The following KIRREL3 variants were observed in gnomAD, a reference collection of about 807,000 sequenced individuals.
The protein encoded by KIRREL3 is kin of IRRE-like protein 3.
A neutral mutation model predicts 89.7 loss-of-function variants in KIRREL3; 36 were observed. That is an observed-to-expected ratio of 0.40 (90% CI 0.31 to 0.53). The LOEUF (loss-of-function observed/expected upper bound fraction) is 0.53. Among genes scored for constraint, KIRREL3 ranks in the 20% least tolerant of loss-of-function variants. The pLI is 0.49. For missense variants in KIRREL3, 864 were observed against 1,056.6 expected, an observed-to-expected ratio of 0.82 and a Z score of 2.53; for synonymous variants, 445 against 441.4, an observed-to-expected ratio of 1.01 and a Z score of -0.10.
At chr11:126,835,083 A>G (rs1020588614) in intron 1 of KIRREL3, among the ~76,000 whole-genome samples, 5 of 152,296 alleles carry the variant, frequency 3.3e-5, no homozygotes, top group African/African-American at 1.2e-4. Flanking sequence ...TTCCCAGTGA[A>G]AGGCCTGTGA....
chr11:126,542,625 C>T (rs2134498229), intron 2 of KIRREL3, among the ~76,000 whole-genome samples: 1 of 152,318 alleles, frequency 6.6e-6, no homozygotes, highest in African/African-American at 2.4e-5. Context: ...TCAGGTGCAC[C>T]CCACCTTCCC....
chr11:126,714,888 T>C (rs1050768604), intron 1 of KIRREL3, among the ~76,000 whole-genome samples: 4 of 152,194 alleles, frequency 2.6e-5, no homozygotes, highest in Non-Finnish European at 4.4e-5. Flanking sequence ...AATCCCACCA[T>C]AGAGAAGGAG....
rs936214613 is a variant in KIRREL3, at chr11:126,817,691, G to A, written c.55+182764C>T. 6.6e-6 allele frequency among the ~76,000 whole-genome samples: 1 copy of A among 152,192 alleles called. No homozygotes were observed. The highest frequency in any genetic ancestry group is 2.4e-5 in the African/African-American group (1 of 41,450). ...AATGCCAGATCCCAGAGGGGTCAGG[G>A]AGCTCCACCGAGCTTCCCTAACTTG... On this transcript the variant is annotated intron_variant, in intron 1 of 16. Coordinates refer to ENST00000525144, the MANE Select transcript of KIRREL3 (RefSeq NM_032531.4). This position sits in a 1 kb window ranked among gnomAD's most constrained non-coding sequence, Gnocchi z 5.7.
Position 126,951,328 on chromosome 11 carries a change from C to T in KIRREL3, c.55+49127G>A, listed in dbSNP as rs117712682. ...TGCTCTGGGTATTTGATAATGGACTCTCATATTTTTACATTTTCTCTAACT... is the reference window on the plus strand; with the variant it reads ...TGCTCTGGGTATTTGATAATGGACTTTCATATTTTTACATTTTCTCTAACT... On this transcript the variant is annotated intron_variant, in intron 1 of 16. Transcript: ENST00000525144. 1.4e-3 allele frequency among the ~76,000 whole-genome samples: 214 copies of T among 152,320 alleles called. 2 individuals carry two copies. The East Asian group carries it at 0.037, about 26-fold the overall frequency.
At position 126,571,795 on chromosome 11, in the gene KIRREL3, G is replaced by T. The variant is rs1206024537; in HGVS notation, c.56-8883C>A. 6.6e-6 allele frequency among the ~76,000 whole-genome samples: 1 copy of T among 152,158 alleles called. No homozygotes were observed. Among genetic ancestry groups the T allele is most frequent in the African/African-American group, 2.4e-5 (1 of 41,430 alleles). ...GGGATGTTAAATAATGTTGGTTAAAGAATTTTACGGGAAACAGTTTTATCC... is the reference window on the plus strand; with the variant it reads ...GGGATGTTAAATAATGTTGGTTAAATAATTTTACGGGAAACAGTTTTATCC... On this transcript the variant is annotated intron_variant, in intron 1 of 16. Transcript: ENST00000525144. The surrounding 1 kb of genome is among the most constrained non-coding windows in gnomAD (Gnocchi z 7.7).
rs1947961600 is a variant in KIRREL3, at chr11:126,931,833, AG to A, written c.55+68621del. On this transcript the variant is annotated intron_variant, in intron 1 of 16. Coordinates refer to ENST00000525144, the MANE Select transcript of KIRREL3 (RefSeq NM_032531.4). The surrounding 1 kb of genome is among the most constrained non-coding windows in gnomAD (Gnocchi z 5.1). ...TAGTAACTGAGGGCTGCCAGCACCC[AG>A]GGAGCCCCAGGACACGTGTTGCCTT... 6.6e-6 allele frequency among the ~76,000 whole-genome samples: 1 copy of A among 152,204 alleles called. No individual in the cohort carries two copies. Among genetic ancestry groups the A allele is most frequent in the South Asian group, 2.1e-4 (1 of 4,828 alleles).
intron 1 of KIRREL3, among the ~76,000 whole-genome samples, chr11:126,852,475 AG>A (rs1282155480): frequency 6.6e-6 from 1 of 152,222 alleles, no homozygotes; most frequent in East Asian, 1.9e-4. Context: ...ATGGTAGGAA[AG>A]GAGGAAACTG....
At chr11:126,465,515 G>A (rs1381749242) in intron 5 of KIRREL3, among the ~76,000 whole-genome samples, 1 of 152,202 alleles carries the variant, frequency 6.6e-6, no homozygotes. Flanking sequence ...CCCACATTCT[G>A]GGTCCTTAAT....
At chr11:126,602,643 G>C (rs34196137) in intron 1 of KIRREL3, among the ~76,000 whole-genome samples, 13,320 of 152,242 alleles carry the variant, frequency 0.087, 702 homozygotes, top group Non-Finnish European at 0.12. Context: ...TCACAGAAAG[G>C]CAGGCATGTG....
intron 1 of KIRREL3, among the ~76,000 whole-genome samples, chr11:126,593,434 G>A (rs1942242710): frequency 6.6e-6 from 1 of 152,198 alleles, no homozygotes; most frequent in Admixed American, 6.5e-5. Flanking sequence ...TACCCACTGT[G>A]GGGACCAGGG....
chr11:126,460,991 A>G (rs1207234735), intron 6 of KIRREL3, among the ~76,000 whole-genome samples: 1 of 152,148 alleles, frequency 6.6e-6, no homozygotes, highest in African/African-American at 2.4e-5. Context: ...GCAGCCTGGA[A>G]GTAGGAAGCT....
chr11:126,483,589 C>T (rs12799864), intron 4 of KIRREL3, among the ~76,000 whole-genome samples: 22,269 of 152,186 alleles, frequency 0.15, 1,854 homozygotes, highest in Non-Finnish European at 0.19. Context: ...TCTGGAAGCT[C>T]GGTCTGCTGC....
chr11:126,827,898 C>T (rs769400336), intron 1 of KIRREL3, among the ~76,000 whole-genome samples: 19 of 152,148 alleles, frequency 1.2e-4, no homozygotes, highest in Non-Finnish European at 2.6e-4. Context: ...GATAATGTTC[C>T]GATAAATGAC....
intron 1 of KIRREL3, among the ~76,000 whole-genome samples, chr11:126,836,415 A>T (rs1438668898): frequency 1.3e-5 from 2 of 152,220 alleles, no homozygotes; most frequent in Non-Finnish European, 2.9e-5. Flanking sequence ...CCTTACCAGG[A>T]TTCTAAAGTA....
At position 126,689,725 on chromosome 11, in the gene KIRREL3, C is replaced by A. The variant is rs1946808471; in HGVS notation, c.56-126813G>T. On this transcript the variant is annotated intron_variant, in intron 1 of 16. Transcript: ENST00000525144. This position sits in a 1 kb window ranked among gnomAD's most constrained non-coding sequence, Gnocchi z 5.2. ...TGCAACTAGCTACCTGTCTTCCTGT[C>A]ACTTTTCTTTGGCCACCTGGGTCTC... Among the ~76,000 whole-genome samples the A allele has an allele frequency of 6.6e-6, 1 of 152,222 alleles. No individual in the cohort carries two copies.
At position 126,709,644 on chromosome 11, in the gene KIRREL3, A is replaced by T. The variant is rs1158779437; in HGVS notation, c.56-146732T>A. 6.6e-6 allele frequency among the ~76,000 whole-genome samples: 1 copy of T among 152,206 alleles called. No individual in the cohort carries two copies. Among genetic ancestry groups the T allele is most frequent in the Non-Finnish European group, 1.5e-5 (1 of 68,036 alleles). ...AGAAAATTTGGACACAGAGGTACAG[A>T]GGGAAGACCATGTGAAGATGAGGGA... On this transcript the variant is annotated intron_variant, in intron 1 of 16. Transcript: ENST00000525144. The surrounding 1 kb of genome is among the most constrained non-coding windows in gnomAD (Gnocchi z 4.0).
At position 126,519,659 on chromosome 11, in the gene KIRREL3, G is replaced by C. The variant is rs113491675; in HGVS notation, c.433+1656C>G. On this transcript the variant is annotated intron_variant, in intron 4 of 16. Coordinates refer to ENST00000525144, the MANE Select transcript of KIRREL3 (RefSeq NM_032531.4). This position sits in a 1 kb window ranked among gnomAD's most constrained non-coding sequence, Gnocchi z 4.3. ...GGCCCCTCTAGAAGGTGTATGAGTC[G>C]GTAGAGGCAGATTCTTCTGAGGATG... Among the ~76,000 whole-genome samples the C allele has an allele frequency of 6.6e-6, 1 of 152,118 alleles. No individual in the cohort carries two copies. The highest frequency in any genetic ancestry group is 2.1e-4 in the South Asian group (1 of 4,822).
intron 4 of KIRREL3, among the ~76,000 whole-genome samples, chr11:126,494,175 C>T (rs959209963): frequency 2.0e-5 from 3 of 152,114 alleles, no homozygotes; most frequent in East Asian, 3.8e-4. Context: ...GGTCAAAATG[C>T]CAATTCTCTC....
chr11:126,578,885 A>G lies in KIRREL3; in HGVS notation c.56-15973T>C, dbSNP rs1941394536. On this transcript the variant is annotated intron_variant, in intron 1 of 16. Transcript: ENST00000525144. This position sits in a 1 kb window ranked among gnomAD's most constrained non-coding sequence, Gnocchi z 4.9. ...ATTGACCATCTGTCAGCAAGTATCT[A>G]CCCTGCAAAATACTTTTCACACACT... 6.6e-6 allele frequency among the ~76,000 whole-genome samples: 1 copy of G among 152,068 alleles called. No individual in the cohort carries two copies. Among genetic ancestry groups the G allele is most frequent in the Admixed American group, 6.5e-5 (1 of 15,270 alleles).
Sources: allele counts gnomAD v4.1 joint callset (sites outside exome capture counted in the v4.1 genomes callset), GRCh38; gene constraint gnomAD v4.1.1; non-coding constraint Gnocchi (gnomAD v3.1); transcripts MANE v1.5; gene names NCBI Gene and HGNC (gene_info 2026-07-23, HGNC 2026-07-21).